JPH1: variants seen among roughly 807,000 people sequenced by gnomAD.
JPH1 encodes the protein junctophilin 1, also known as junctophilin-1.
A neutral mutation model predicts 53.6 loss-of-function variants in JPH1; 12 were observed. The observed-to-expected ratio is 0.22, with a 90% CI of 0.14 to 0.36. JPH1 has a LOEUF of 0.36. Among genes scored for constraint, JPH1 ranks in the 10% least tolerant of loss-of-function variants. The pLI is 1.00. For missense variants in JPH1, 808 were observed against 905.5 expected (o/e 0.89, Z 1.38); for synonymous variants, 375 against 363.8 (o/e 1.03, Z -0.35).
chr8:74,264,064 T>C (rs894998676), intron 2 of JPH1, among the ~76,000 whole-genome samples: 3 of 152,232 alleles, frequency 2.0e-5, no homozygotes, highest in African/African-American at 7.2e-5. Flanking sequence ...TTTGGTTCTC[T>C]GATAAGACAG....
At chr8:74,277,246 T>C (rs1271154399) in intron 2 of JPH1, among the ~76,000 whole-genome samples, 1 of 152,164 alleles carries the variant, frequency 6.6e-6, no homozygotes, top group East Asian at 1.9e-4. Flanking sequence ...GCTCCCGCCA[T>C]CTGGAGGCCC....
intron 2 of JPH1, among the ~76,000 whole-genome samples, chr8:74,301,499 T>C (rs1807681114): frequency 1.3e-5 from 2 of 152,218 alleles, no homozygotes; most frequent in African/African-American, 2.4e-5. Context: ...TAAGCACCCC[T>C]TGTGATCTGC....
At chr8:74,270,573 G>A (rs912229290) in intron 2 of JPH1, among the ~76,000 whole-genome samples, 3 of 152,152 alleles carry the variant, frequency 2.0e-5, no homozygotes, top group Non-Finnish European at 4.4e-5. Flanking sequence ...GGTGCAATTT[G>A]GGGAGCAAAG....
At chr8:74,314,239 T>C (rs1175823993) in intron 2 of JPH1, among the ~76,000 whole-genome samples, 3 of 152,244 alleles carry the variant, frequency 2.0e-5, no homozygotes, top group African/African-American at 7.2e-5. Context: ...TCTCTTTGCC[T>C]TTCCCATGTA....
chr8:74,246,439 C>T (rs1000637457), intron 3 of JPH1, among the ~76,000 whole-genome samples: 11 of 152,168 alleles, frequency 7.2e-5, no homozygotes, highest in African/African-American at 2.7e-4. Context: ...CACACTTACA[C>T]TTGTAATTGC....
intron 2 of JPH1, among the ~76,000 whole-genome samples, chr8:74,270,798 T>C (rs1045741469): frequency 3.3e-5 from 5 of 152,156 alleles, no homozygotes; most frequent in African/African-American, 1.2e-4. Flanking sequence ...TTATAGGACT[T>C]GGGATATTCC....
chr8:74,285,987 A>G (rs1807153803), intron 2 of JPH1, among the ~76,000 whole-genome samples: 1 of 152,212 alleles, frequency 6.6e-6, no homozygotes, highest in African/African-American at 2.4e-5. Context: ...AACCATGAAC[A>G]TGTATCATTT....
intron 3 of JPH1, among the ~76,000 whole-genome samples, chr8:74,246,809 G>T (rs1379323985): frequency 1.3e-5 from 2 of 152,098 alleles, no homozygotes; most frequent in African/African-American, 2.4e-5. Context: ...TGTCAAGATC[G>T]CACATGGACA....
At chr8:74,291,570 G>A (rs1267998072) in intron 2 of JPH1, among the ~76,000 whole-genome samples, 11 of 152,172 alleles carry the variant, frequency 7.2e-5, no homozygotes, top group Non-Finnish European at 1.5e-4. Context: ...TCGGTGTGGC[G>A]ATTCCTCAAG....
At chr8:74,279,457 T>C (rs10094189) in intron 2 of JPH1, among the ~76,000 whole-genome samples, 59,879 of 151,974 alleles carry the variant, frequency 0.39, 13,125 homozygotes, top group African/African-American at 0.6. Context: ...TTATTCCCTC[T>C]GTGTTCCTGA....
intron 2 of JPH1, among the ~76,000 whole-genome samples, chr8:74,301,716 C>T (rs145644001): frequency 3.9e-5 from 6 of 152,324 alleles, no homozygotes; most frequent in African/African-American, 1.4e-4. Flanking sequence ...CCCATATGCC[C>T]TCAGTGTTCT....
chr8:74,314,769 T>C (rs1266433648), intron 2 of JPH1, 92 bp downstream of exon 2: 1 of 1,398,216 alleles, frequency 7.2e-7, no homozygotes, highest in Non-Finnish European at 9.9e-7. Flanking sequence ...AGAAAGCATT[T>C]AGCGATGTCA....
At chr8:74,254,923 T>G (rs1175194975) in intron 3 of JPH1, among the ~76,000 whole-genome samples, 1 of 152,196 alleles carries the variant, frequency 6.6e-6, no homozygotes, top group East Asian at 1.9e-4. Flanking sequence ...GAACATTCCA[T>G]GCTCATGGGT....
chr8:74,239,454 T>A (rs1805632073), intron 4 of JPH1, among the ~76,000 whole-genome samples: 1 of 152,186 alleles, frequency 6.6e-6, no homozygotes, highest in Non-Finnish European at 1.5e-5. Context: ...CAGAAAAACA[T>A]CAAATTGTGA....
At chr8:74,277,305 T>C (rs1459503775) in intron 2 of JPH1, among the ~76,000 whole-genome samples, 1 of 152,206 alleles carries the variant, frequency 6.6e-6, no homozygotes, top group East Asian at 1.9e-4. Flanking sequence ...TTAGCTGTCT[T>C]GGCACCTGTA....
chr8:74,271,669 T>A (rs1806704713), intron 2 of JPH1, among the ~76,000 whole-genome samples: 2 of 152,316 alleles, frequency 1.3e-5, no homozygotes, highest in Admixed American at 1.3e-4. Flanking sequence ...GACCTAAATG[T>A]TGCTGCAACA....
In JPH1 at chr8:74,306,022, G is replaced by GT. The variant is rs140002600; in HGVS notation, c.1139+8838dup. Reference sequence around the variant, plus strand: ...AGTTTTTTTTGTTTTGTTTTGTTTTGTTTTAAAGAAAGATCTTTAGAAACG... The same window carrying GT: ...AGTTTTTTTTGTTTTGTTTTGTTTTGTTTTTAAAGAAAGATCTTTAGAAACG... On this transcript the variant is annotated intron_variant, in intron 2 of 5. Coordinates refer to ENST00000342232, the MANE Select transcript of JPH1 (RefSeq NM_020647.4). Among the ~76,000 whole-genome samples, 1,447 of 152,054 alleles carry GT rather than the reference G, an allele frequency of 9.5e-3. 25 individuals carry two copies. The highest frequency in any genetic ancestry group is 0.033 in the African/African-American group (1,368 of 41,410).
chr8:74,298,192 T>C lies in JPH1; in HGVS notation c.1139+16669A>G, dbSNP rs181417404. On this transcript the variant is annotated intron_variant, in intron 2 of 5. Transcript: ENST00000342232. Reference sequence around the variant, plus strand: ...TCATGTTATCTTTTTATCTATCACCTTGAATGTCCACACATCAGATTCACT... The same window carrying C: ...TCATGTTATCTTTTTATCTATCACCCTGAATGTCCACACATCAGATTCACT... 3.3e-3 allele frequency among the ~76,000 whole-genome samples: 504 copies of C among 152,338 alleles called. 2 individuals carry two copies. The highest frequency in any genetic ancestry group is 0.018 in the South Asian group (88 of 4,824).
At chr8:74,292,202 AC>A (rs1372095399) in intron 2 of JPH1, among the ~76,000 whole-genome samples, 6 of 152,240 alleles carry the variant, frequency 3.9e-5, no homozygotes, top group South Asian at 2.1e-4. Flanking sequence ...ACAGAAAAAA[AC>A]GTTCTGAAAA....
Sources: gnomAD v4.1 joint callset for allele counts (sites outside exome capture counted in the v4.1 genomes callset) on GRCh38, gnomAD v4.1.1 for gene constraint, MANE v1.5 for transcripts, NCBI Gene and HGNC (gene_info 2026-07-23, HGNC 2026-07-21) for gene names.